Variants in ADA2 observed in about 807,000 individuals in gnomAD.
ADA2 encodes the protein adenosine deaminase CECR1.
In ADA2, 29 loss-of-function variants were observed where a neutral mutation model predicts 44.2. The observed-to-expected ratio is 0.66, with a 90% CI of 0.49 to 0.89. The LOEUF (loss-of-function observed/expected upper bound fraction) is 0.89. ADA2 is among the 40% of genes least tolerant of loss of function. The pLI is 0.00. For synonymous variants in ADA2, 215 were observed against 234.9 expected (o/e 0.92, Z 0.77); for missense variants, 637 against 644.8 (o/e 0.99, Z 0.13).
At chr22:17,199,440 T>TATCCTCA in intron 4 of ADA2, 1 of 1,027,932 alleles carries the variant, frequency 9.7e-7, no homozygotes, top group Non-Finnish European at 1.5e-6. Context: ...CTCTATCCTC[T>TATCCTCA]TCCCCTCCAC....
Position 17,209,454 on chromosome 22 carries a change from A to C in ADA2, c.224T>G (p.Met75Arg). ...GCTGGGTGGGAATATCAGGGTCCTC[A>C]TGGCCTCCTTCATCTCAGCGATTTT... ...TLKIAEMKEA[M>R]RTLIFPPSMH... The change falls in exon 2 of 10, where the codon ATG (methionine) becomes AGG (arginine). Residue 75 changes from methionine (M) to arginine (R), a missense_variant. Transcript: ENST00000399837. 1 of 1,614,102 alleles carries C rather than the reference A, an allele frequency of 6.2e-7. No homozygotes were observed.
chr22:17,187,531 TCCACC>T (rs2062049373), intron 7 of ADA2, among the ~76,000 whole-genome samples: 1 of 151,824 alleles, frequency 6.6e-6, no homozygotes, highest in Admixed American at 6.6e-5. Flanking sequence ...TTTAAAGAGA[TCCACC>T]CACATCAGCC....
Position 17,203,619 on chromosome 22 carries a change from G to C in ADA2, c.697C>G (p.Gln233Glu). Residue 233 changes from glutamine to glutamate, a missense_variant, in exon 4 of 10, where the codon CAG becomes GAG. Gln to Glu is a conservative substitution (Grantham distance 29). Coordinates refer to ENST00000399837, the MANE Select transcript of ADA2 (RefSeq NM_001282225.2). ...VFRDYVFRSM[Q>E]EFYEDNVLYM... ...AGCACGTTGTCCTCGTAGAACTCCT[G>C]CATGCTCCGGAAGACATAGTCTCTG... 1 of 1,613,832 alleles carries C rather than the reference G, an allele frequency of 6.2e-7. No individual in the cohort carries two copies. Among genetic ancestry groups the C allele is most frequent in the Non-Finnish European group, 8.5e-7 (1 of 1,180,000 alleles).
At chr22:17,215,957 G>A (rs532101872) in intron 1 of ADA2, among the ~76,000 whole-genome samples, 5 of 151,866 alleles carry the variant, frequency 3.3e-5, no homozygotes, top group East Asian at 1.9e-4. Context: ...AAAAATTATC[G>A]GCAGGCAGAT....
chr22:17,201,727 A>G (rs1207067309), intron 4 of ADA2, among the ~76,000 whole-genome samples: 2 of 152,178 alleles, frequency 1.3e-5, no homozygotes, highest in East Asian at 1.9e-4. Flanking sequence ...ATAAAACTCT[A>G]GCAGTATTTG....
intron 4 of ADA2, among the ~76,000 whole-genome samples, chr22:17,197,316 G>T: frequency 6.7e-6 from 1 of 148,480 alleles, no homozygotes; most frequent in Non-Finnish European, 1.5e-5. Context: ...GGCCCAGGCT[G>T]CAGTGCAGTG....
chr22:17,188,441 G>T lies in ADA2; in HGVS notation c.979C>A (p.His327Asn). ...TVVAGFDLVGHEDTGHSLHDY... is the reference protein window; with the variant it reads ...TVVAGFDLVGNEDTGHSLHDY... ...TGCAAGGAGTGGCCAGTGTCCTCAT[G>T]CCCCACCTGCAGGACAGAGAGGGAC... The change falls in exon 7 of 10, where the codon CAT (histidine) becomes AAT (asparagine). Residue 327 changes from histidine to asparagine, a missense_variant. By Grantham distance (68) the His-to-Asn change is moderately conservative. Transcript: ENST00000399837. 1 of 1,610,728 alleles carries T rather than the reference G, an allele frequency of 6.2e-7. No homozygotes were observed. Among genetic ancestry groups the T allele is most frequent in the Non-Finnish European group, 8.5e-7 (1 of 1,177,052 alleles).
At chr22:17,188,015 A>AC (rs2062057443) in intron 7 of ADA2, among the ~76,000 whole-genome samples, 1 of 151,196 alleles carries the variant, frequency 6.6e-6, no homozygotes, top group Non-Finnish European at 1.5e-5. Context: ...GAGGCAGGAG[A>AC]CTCTCTTGAA....
At chr22:17,211,944 A>T (rs550749309) in intron 1 of ADA2, among the ~76,000 whole-genome samples, 13 of 152,192 alleles carry the variant, frequency 8.5e-5, no homozygotes, top group Admixed American at 6.5e-5. Context: ...GAGGAAAAAA[A>T]AATTAATTAA....
chr22:17,182,728 A>G lies in ADA2; in HGVS notation c.1115T>C (p.Leu372Pro). 3 of 1,613,942 alleles carry G rather than the reference A, an allele frequency of 1.9e-6. No homozygotes were observed. Among genetic ancestry groups the G allele is most frequent in the Non-Finnish European group, 2.5e-6 (3 of 1,180,016 alleles). Residue 372 changes from leucine to proline, a missense_variant, in exon 8 of 10, where the codon CTG (leucine) becomes CCG (proline). By Grantham distance (98) the Leu-to-Pro change is moderately conservative. Coordinates refer to ENST00000399837, the MANE Select transcript of ADA2 (RefSeq NM_001282225.2). The stretch of plus-strand genomic sequence containing the variant: ...GGTAGTGTTCAGCATCAGAGCATCC[A>G]GAATGTTCCTGTCTATGGAAGTACC... ...WQGTSIDRNI[L>P]DALMLNTTRI...
chr22:17,206,932 G>A (rs1336260296), intron 3 of ADA2, 139 bp downstream of exon 3: 21 of 648,706 alleles, frequency 3.2e-5, no homozygotes, highest in Non-Finnish European at 5.7e-5. Flanking sequence ...GGGATTATAG[G>A]CGTGAACCAC....
At chr22:17,203,292 C>T (rs111308161) in intron 4 of ADA2, among the ~76,000 whole-genome samples, 4,543 of 152,138 alleles carry the variant, frequency 0.03, 86 homozygotes, top group Middle Eastern at 0.1. Context: ...GCTTATGTCA[C>T]GAGGCCCTGA....
At chr22:17,203,976 C>T (rs1388445755) in intron 3 of ADA2, among the ~76,000 whole-genome samples, 1 of 152,190 alleles carries the variant, frequency 6.6e-6, no homozygotes, top group African/African-American at 2.4e-5. Context: ...AGCCCACTGC[C>T]TGCTTAAACC....
At chr22:17,213,269 G>C (rs920234010) in intron 1 of ADA2, among the ~76,000 whole-genome samples, 8 of 152,158 alleles carry the variant, frequency 5.3e-5, no homozygotes, top group African/African-American at 1.9e-4. Context: ...CCACTATGGA[G>C]AACAGTATGG....
chr22:17,197,065 C>A (rs556357513), intron 4 of ADA2, among the ~76,000 whole-genome samples: 1 of 151,944 alleles, frequency 6.6e-6, no homozygotes, highest in Non-Finnish European at 1.5e-5. Context: ...CCCAACTACT[C>A]GGGAGGCTGA....
chr22:17,200,107 A>C (rs1217544719), intron 4 of ADA2, among the ~76,000 whole-genome samples: 1 of 152,118 alleles, frequency 6.6e-6, no homozygotes, highest in Non-Finnish European at 1.5e-5. Flanking sequence ...AGGCAGGAGA[A>C]TCACTTGAAT....
chr22:17,182,567 G>T, intron 8 of ADA2, 37 bp downstream of exon 8: 1 of 1,606,236 alleles, frequency 6.2e-7, no homozygotes. Flanking sequence ...GTGGTTAGGG[G>T]AGATCATATG....
intron 3 of ADA2, among the ~76,000 whole-genome samples, chr22:17,204,619 A>AAG (rs1555886826): frequency 6.6e-5 from 10 of 151,710 alleles, no homozygotes; most frequent in Non-Finnish European, 1.5e-4. Flanking sequence ...AAAAAAAAAA[A>AAG]AAGAAGAAGA....
At chr22:17,207,436 CGGGGCTTGGGG>C in intron 2 of ADA2, 146 bp from the exon 3 acceptor site, 1 of 573,842 alleles carries the variant, frequency 1.7e-6, no homozygotes, top group Non-Finnish European at 3.1e-6. Context: ...CCCAGGGCTC[CGGGGCTTGGGG>C]ACAAAGGGGT....
Sources: gnomAD v4.1 joint callset for allele counts (sites outside exome capture counted in the v4.1 genomes callset) on GRCh38, gnomAD v4.1.1 for gene constraint, MANE v1.5 for transcripts, NCBI Gene and HGNC (gene_info 2026-07-23, HGNC 2026-07-21) for gene names.